The following CPED1 variants were observed in gnomAD, a reference collection of about 807,000 sequenced individuals.
CPED1 encodes the protein cadherin like and PC-esterase domain containing 1, also known as cadherin-like and PC-esterase domain-containing protein 1.
CPED1 carries 114 observed loss-of-function variants against 128.2 expected under a neutral mutation model. That is an observed-to-expected ratio of 0.89 (90% CI 0.76 to 1.04). The LOEUF is 1.04. Ranked by LOEUF, CPED1 falls within the 50% of genes least tolerant of loss-of-function variation. The probability of loss-of-function intolerance (pLI) is 0.00; values close to 1 mark genes in which losing one functional copy is unlikely to be tolerated. For synonymous variants in CPED1, 462 were observed against 426.7 expected, an observed-to-expected ratio of 1.08 and a Z score of -1.02; for missense variants, 1,211 against 1,207.1, an observed-to-expected ratio of 1.00 and a Z score of -0.05.
At chr7:120,997,266 G>A (rs1796422356) in intron 2 of CPED1, among the ~76,000 whole-genome samples, 1 of 152,204 alleles carries the variant, frequency 6.6e-6, no homozygotes, top group African/African-American at 2.4e-5. Context: ...ACATTAGAAT[G>A]TTAGAACTGC....
intron 16 of CPED1, among the ~76,000 whole-genome samples, chr7:121,216,159 G>A (rs962735822): frequency 3.3e-5 from 5 of 152,138 alleles, no homozygotes; most frequent in East Asian, 3.9e-4. Context: ...CTACGTTACA[G>A]TGATTTAAAT....
At chr7:121,117,830 T>C (rs1215675079) in intron 7 of CPED1, among the ~76,000 whole-genome samples, 1 of 152,166 alleles carries the variant, frequency 6.6e-6, no homozygotes, top group African/African-American at 2.4e-5. Context: ...TTTCCCATTC[T>C]TTTTATACAT....
intron 3 of CPED1, among the ~76,000 whole-genome samples, chr7:121,033,650 A>G (rs765115767): frequency 7.9e-5 from 12 of 152,196 alleles, no homozygotes; most frequent in Non-Finnish European, 1.3e-4. Context: ...TTTAAAATGG[A>G]AGATAAGACT....
At chr7:121,283,015 A>G (rs1792492967) in intron 22 of CPED1, among the ~76,000 whole-genome samples, 4 of 152,206 alleles carry the variant, frequency 2.6e-5, no homozygotes, top group African/African-American at 9.6e-5. Context: ...TTTCATTACA[A>G]AAGGATTCCA....
chr7:121,057,603 T>C (rs1793535225), intron 4 of CPED1, among the ~76,000 whole-genome samples: 1 of 152,234 alleles, frequency 6.6e-6, no homozygotes, highest in Non-Finnish European at 1.5e-5. Flanking sequence ...ATACCATTTA[T>C]CAAGATGAAG....
chr7:121,108,586 A>AT, intron 7 of CPED1, among the ~76,000 whole-genome samples: 1 of 152,170 alleles, frequency 6.6e-6, no homozygotes, highest in South Asian at 2.1e-4. Context: ...AGAAATGTAC[A>AT]TTTTGTAATG....
chr7:121,248,835 T>G (rs1429074391), intron 18 of CPED1, among the ~76,000 whole-genome samples: 1 of 152,140 alleles, frequency 6.6e-6, no homozygotes, highest in Non-Finnish European at 1.5e-5. Context: ...TTAATCAGTA[T>G]AAAATGACTG....
chr7:121,245,476 G>A (rs1241793525), intron 18 of CPED1, among the ~76,000 whole-genome samples: 3 of 152,008 alleles, frequency 2.0e-5, no homozygotes, highest in Non-Finnish European at 4.4e-5. Context: ...CAGGGAATGT[G>A]TTTAATCCAC....
chr7:121,005,070 T>G (rs1475258185), intron 2 of CPED1, among the ~76,000 whole-genome samples: 1 of 152,220 alleles, frequency 6.6e-6, no homozygotes, highest in Non-Finnish European at 1.5e-5. Flanking sequence ...ACACTACCTT[T>G]TTGTATCCTA....
rs959154246 is a variant in CPED1 at position 121,043,016 on chromosome 7, G to T, written c.434-3871G>T. Among the ~76,000 whole-genome samples, 3 of 152,130 alleles carry T rather than the reference G, an allele frequency of 2.0e-5. No homozygotes were observed. The East Asian group carries it at 5.8e-4, about 29-fold the overall frequency. ...ATGTCTTAGCACTTCTTACTCTAACGTCAACCTTCTCAGTGCAGAAAAGGC... is the reference window on the plus strand; with the variant it reads ...ATGTCTTAGCACTTCTTACTCTAACTTCAACCTTCTCAGTGCAGAAAAGGC... On this transcript the variant is annotated intron_variant, in intron 3 of 22. Coordinates refer to ENST00000310396, the MANE Select transcript of CPED1 (RefSeq NM_024913.5).
intron 5 of CPED1, among the ~76,000 whole-genome samples, chr7:121,069,370 CT>C (rs1388335040): frequency 6.6e-6 from 1 of 152,136 alleles, no homozygotes; most frequent in Non-Finnish European, 1.5e-5. Flanking sequence ...TCTGCTGTGC[CT>C]TTTCCCCATA....
At chr7:121,035,986 A>G (rs1744094373) in intron 3 of CPED1, among the ~76,000 whole-genome samples, 1 of 152,150 alleles carries the variant, frequency 6.6e-6, no homozygotes, top group South Asian at 2.1e-4. Context: ...AAGATTAAGA[A>G]ATGTGAATTT....
chr7:121,288,304 G>A (rs1792625929), intron 22 of CPED1, among the ~76,000 whole-genome samples: 1 of 152,124 alleles, frequency 6.6e-6, no homozygotes, highest in Admixed American at 6.5e-5. Context: ...TAGTTTCCAA[G>A]GGAAACCAAG....
At chr7:121,251,761 G>A (rs1364017414) in intron 18 of CPED1, among the ~76,000 whole-genome samples, 3 of 148,804 alleles carry the variant, frequency 2.0e-5, no homozygotes, top group Admixed American at 6.7e-5. Context: ...TTAAAGGGAT[G>A]TGAAGGACCT....
At chr7:121,254,106 A>G (rs200691209) in intron 18 of CPED1, among the ~76,000 whole-genome samples, 1 of 151,820 alleles carries the variant, frequency 6.6e-6, no homozygotes, top group Admixed American at 6.6e-5. Flanking sequence ...CACAGAATAT[A>G]TAGTCTTCTC....
chr7:121,206,796 C>T (rs1340603803), intron 16 of CPED1, among the ~76,000 whole-genome samples: 1 of 151,542 alleles, frequency 6.6e-6, no homozygotes, highest in Non-Finnish European at 1.5e-5. Flanking sequence ...ACTCATAATC[C>T]CACCACTTAA....
intron 18 of CPED1, among the ~76,000 whole-genome samples, chr7:121,253,025 C>T (rs927411151): frequency 1.1e-4 from 16 of 151,974 alleles, no homozygotes; most frequent in East Asian, 3.9e-4. Context: ...ATGTTTATTG[C>T]GGCACTATTC....
At chr7:121,061,836 T>A (rs1396197203) in intron 4 of CPED1, among the ~76,000 whole-genome samples, 1 of 152,264 alleles carries the variant, frequency 6.6e-6, no homozygotes, top group Admixed American at 6.5e-5. Flanking sequence ...ATAATCTGTG[T>A]AATATAGTTG....
At chr7:121,059,842 C>T (rs914610984) in intron 4 of CPED1, among the ~76,000 whole-genome samples, 16 of 152,248 alleles carry the variant, frequency 1.1e-4, no homozygotes, top group African/African-American at 3.9e-4. Context: ...CTCTCGGCGC[C>T]TCCTCTGCCT....
Sources: gnomAD v4.1 joint callset for allele counts (sites outside exome capture counted in the v4.1 genomes callset) on GRCh38, gnomAD v4.1.1 for gene constraint, MANE v1.5 for transcripts, NCBI Gene and HGNC (gene_info 2026-07-23, HGNC 2026-07-21) for gene names.